Variants in EEF1E1 observed in about 807,000 individuals in gnomAD.
The protein encoded by EEF1E1 is eukaryotic translation elongation factor 1 epsilon-1.
EEF1E1 carries 19 observed loss-of-function variants against 19.9 expected under a neutral mutation model. That is an observed-to-expected ratio of 0.95 (90% confidence interval 0.66 to 1.40). EEF1E1 has a LOEUF of 1.40. Ranked by LOEUF, EEF1E1 falls within the 40% of genes most tolerant of loss-of-function variation. The pLI is 0.00. For synonymous variants in EEF1E1, 81 were observed against 80.0 expected, an observed-to-expected ratio of 1.01 and a Z score of -0.07; for missense variants, 198 against 202.2, an observed-to-expected ratio of 0.98 and a Z score of 0.13.
At chr6:8,092,932 T>C (rs1758060213) in intron 2 of EEF1E1, among the ~76,000 whole-genome samples, 1 of 136,446 alleles carries the variant, frequency 7.3e-6, no homozygotes, top group African/African-American at 2.9e-5. Flanking sequence ...TGGAGTACAG[T>C]GGCGTGATCT....
chr6:8,095,225 G>C (rs952921857), intron 2 of EEF1E1, among the ~76,000 whole-genome samples: 1 of 152,162 alleles, frequency 6.6e-6, no homozygotes, highest in Admixed American at 6.5e-5. Context: ...TACTGGCCAG[G>C]CGAGGTGACT....
In EEF1E1 at chr6:8,079,602, A is replaced by G. The variant is rs991374606; in HGVS notation, c.*288T>C. On this transcript the variant is annotated 3_prime_UTR_variant, in exon 4 of 4. Transcript: ENST00000379715. ...TGAAATGACCACCAATTTTAAGATT[A>G]AGCCCGATTTGCAACTTTTATTGAA... 55 of 1,071,940 alleles carry G rather than the reference A, an allele frequency of 5.1e-5. No individual in the cohort carries two copies. Among genetic ancestry groups the G allele is most frequent in the African/African-American group, 6.6e-5 (4 of 60,738 alleles). The allele number at this position is 1,071,940 out of a possible 1,614,324, so 66.4% of individuals were successfully genotyped here.
intron 1 of EEF1E1, chr6:8,101,989 T>G: frequency 8.0e-7 from 1 of 1,243,942 alleles, no homozygotes; most frequent in Non-Finnish European, 1.0e-6. Context: ...TTCCCCTAAA[T>G]CATCATTGTA....
At chr6:8,088,021 C>A (rs571191455) in intron 3 of EEF1E1, among the ~76,000 whole-genome samples, 2 of 152,244 alleles carry the variant, frequency 1.3e-5, no homozygotes, top group African/African-American at 4.8e-5. Context: ...CCTCGTTCCA[C>A]CACTTACTTG....
Position 8,095,964 on chromosome 6 carries a change from C to T in EEF1E1, c.288+1303G>A, listed in dbSNP as rs151212137. The stretch of plus-strand genomic sequence containing the variant: ...GAACTGCATCCTGGTGCACTGCAAG[C>T]GTTTATATAGTAGGTGCAGATGAGC... On this transcript the variant is annotated intron_variant, in intron 2 of 3. Coordinates refer to ENST00000379715, the MANE Select transcript of EEF1E1 (RefSeq NM_004280.5). Among the ~76,000 whole-genome samples the T allele has an allele frequency of 2.5e-3, 375 of 152,192 alleles. 1 individual carries two copies. Among genetic ancestry groups the T allele is most frequent in the African/African-American group, 8.5e-3 (355 of 41,532 alleles).
downstream of EEF1E1, chr6:8,078,787 A>G (rs1481458615): frequency 1.6e-6 from 2 of 1,246,672 alleles, no homozygotes; most frequent in South Asian, 2.7e-5. Flanking sequence ...CAAGAGCTAC[A>G]TACTAGGCTT....
intron 1 of EEF1E1, among the ~76,000 whole-genome samples, chr6:8,098,397 C>A (rs150842510): frequency 6.6e-6 from 1 of 152,072 alleles, no homozygotes; most frequent in Non-Finnish European, 1.5e-5. Context: ...GGATTACAAG[C>A]GTGAGCCACC....
intron 3 of EEF1E1, among the ~76,000 whole-genome samples, chr6:8,085,999 T>C (rs1030438550): frequency 1.3e-5 from 2 of 152,202 alleles, no homozygotes; most frequent in Non-Finnish European, 2.9e-5. Context: ...ATAGTGGGCA[T>C]ACACAGTGGG....
chr6:8,099,154 C>A lies in EEF1E1; in HGVS notation c.88-1687G>T, dbSNP rs189220667. On this transcript the variant is annotated intron_variant, in intron 1 of 3. Transcript: ENST00000379715. Reference sequence around the variant, plus strand: ...CACATTCATTTTAAGGTTCCATAGTCTTCAAAGTAATGACTTTTAATGGCT... The same window carrying A: ...CACATTCATTTTAAGGTTCCATAGTATTCAAAGTAATGACTTTTAATGGCT... 1.1e-3 allele frequency among the ~76,000 whole-genome samples: 172 copies of A among 152,322 alleles called. 1 individual carries two copies. The highest frequency in any genetic ancestry group is 5.3e-4 in the Non-Finnish European group (36 of 68,034).
In EEF1E1 at chr6:8,097,437, T is replaced by C; in HGVS notation, c.118A>G (p.Ser40Gly). ...IPVLQTNNGP[S>G]LTGLTTIAAH... ...GCTATAGTAGTCAATCCTGTTAGAC[T>C]TGGACCATTGTTTGTCTGAAGAACT... The change falls in exon 2 of 4, where the codon AGT becomes GGT. Residue 40 changes from serine (S) to glycine (G), a missense_variant. Ser to Gly is a moderately conservative substitution (Grantham distance 56, BLOSUM62 0). Transcript: ENST00000379715. 1.2e-6 allele frequency: 2 copies of C among 1,614,080 alleles called. No individual in the cohort carries two copies. The highest frequency in any genetic ancestry group is 1.7e-6 in the Non-Finnish European group (2 of 1,179,988).
In EEF1E1 at chr6:8,090,216, T is replaced by G; in HGVS notation, c.354A>C (p.Ile118=). ...LTGYNFTLAD[I]LLYYGLHRFI... is the part of the protein sequence containing the mutation. The stretch of plus-strand genomic sequence containing the variant: ...AGCGATGAAGTCCATAGTACAATAG[T>G]ATATCTGCTAATGTAAAGTTATACC... The change falls in exon 3 of 4, where the codon ATA becomes ATC. Residue 118 remains isoleucine (I), a synonymous_variant. Coordinates refer to ENST00000379715, the MANE Select transcript of EEF1E1 (RefSeq NM_004280.5). 6.6e-7 allele frequency: 1 copy of G among 1,526,648 alleles called. No individual in the cohort carries two copies. The highest frequency in any genetic ancestry group is 2.5e-5 in the East Asian group (1 of 39,910). 94.6% of individuals were successfully genotyped at this position (1,526,648 alleles called of 1,614,324 possible).
Position 8,089,370 on chromosome 6 carries a change from A to G in EEF1E1, c.384+816T>C, listed in dbSNP as rs151284499. On this transcript the variant is annotated intron_variant, in intron 3 of 3. Coordinates refer to ENST00000379715, the MANE Select transcript of EEF1E1 (RefSeq NM_004280.5). ...TAAATATATAAAGGGGAGTTTATTA[A>G]GTATTAACTCACACAATCACAAGGT... Among the ~76,000 whole-genome samples the G allele has an allele frequency of 7.5e-3, 1,145 of 152,298 alleles. 56 individuals carry two copies. Among genetic ancestry groups the G allele is most frequent in the Admixed American group, 0.069 (1,061 of 15,290 alleles).
At chr6:8,088,130 G>A (rs940446225) in intron 3 of EEF1E1, among the ~76,000 whole-genome samples, 4 of 152,102 alleles carry the variant, frequency 2.6e-5, no homozygotes, top group African/African-American at 9.7e-5. Context: ...CTGTTATTAG[G>A]ATTAAATGAG....
At chr6:8,085,378 C>T (rs939910232) in intron 3 of EEF1E1, among the ~76,000 whole-genome samples, 16 of 151,966 alleles carry the variant, frequency 1.1e-4, no homozygotes, top group Non-Finnish European at 2.1e-4. Flanking sequence ...GTCTTGAACT[C>T]CTGGGCTCAA....
At chr6:8,095,093 CTGTT>C (rs1758128622) in intron 2 of EEF1E1, among the ~76,000 whole-genome samples, 1 of 152,168 alleles carries the variant, frequency 6.6e-6, no homozygotes, top group Non-Finnish European at 1.5e-5. Flanking sequence ...TTGCCCTGCA[CTGTT>C]TAAGGGTCAA....
downstream of EEF1E1, among the ~76,000 whole-genome samples, chr6:8,077,277 T>C (rs1757623731): frequency 6.6e-6 from 1 of 152,164 alleles, no homozygotes; most frequent in African/African-American, 2.4e-5. Flanking sequence ...CCTAGGATTT[T>C]TGGAATGGTA....
intron 2 of EEF1E1, 21 bp from the exon 3 acceptor site, chr6:8,090,302 ATAAATAT>A (rs1372233598): frequency 7.1e-7 from 1 of 1,417,338 alleles, no homozygotes; most frequent in Admixed American, 2.8e-5. Flanking sequence ...GAAAAAACAA[ATAAATAT>A]TAATGTAAAA....
At chr6:8,100,077 A>G (rs1342064355) in intron 1 of EEF1E1, among the ~76,000 whole-genome samples, 2 of 152,184 alleles carry the variant, frequency 1.3e-5, no homozygotes, top group Admixed American at 1.3e-4. Context: ...CCCTTTCCCC[A>G]TACAAGTAAA....
At chr6:8,096,422 G>A (rs1216221261) in intron 2 of EEF1E1, among the ~76,000 whole-genome samples, 2 of 152,090 alleles carry the variant, frequency 1.3e-5, no homozygotes, top group Non-Finnish European at 2.9e-5. Flanking sequence ...CATACAAAGG[G>A]CCAAGTTCTG....
Sources: allele counts gnomAD v4.1 joint callset (sites outside exome capture counted in the v4.1 genomes callset), GRCh38; gene constraint gnomAD v4.1.1; transcripts MANE v1.5; gene names NCBI Gene and HGNC (gene_info 2026-07-23, HGNC 2026-07-21).